HTT: variants seen among roughly 807,000 people sequenced by gnomAD.
The protein encoded by HTT is huntington disease protein.
In HTT, 104 loss-of-function variants were observed where a neutral mutation model predicts 362.3. The observed-to-expected ratio is 0.29, with a 90% CI of 0.24 to 0.34. The LOEUF is 0.34. Among genes scored for constraint, HTT ranks in the 10% least tolerant of loss-of-function variants. The probability of loss-of-function intolerance (pLI) is 1.00; values close to 1 mark genes in which losing one functional copy is unlikely to be tolerated. For missense variants in HTT, 3,301 were observed against 3,928.6 expected (o/e 0.84, Z 4.27); for synonymous variants, 1,577 against 1,548.7 (o/e 1.02, Z -0.43).
Position 3,146,933 on chromosome 4 carries a change from G to A in HTT, c.3280G>A (p.Gly1094Arg), listed in dbSNP as rs756811966. The A allele has an allele frequency of 2.5e-6, 4 of 1,614,138 alleles. No homozygotes were observed. The Admixed American group carries it at 5.0e-5, about 20-fold the overall frequency. Residue 1094 changes from glycine (G) to arginine (R), a missense_variant, in exon 25 of 67, where the codon GGA (glycine) becomes AGA (arginine). Around this residue, in one of 4 missense-constraint regions of HTT, gnomAD observed 2,316 missense variants for 2,658.5 expected, o/e 0.87. Transcript: ENST00000355072. ...SAHQDALILAGNLLAASAPKS... is the reference protein window; with the variant it reads ...SAHQDALILARNLLAASAPKS... ...CCATCAAGATGCTTTGATTTTGGCCGGAAACTTGCTTGCAGGTACTGGTAC... is the reference window on the plus strand; with the variant it reads ...CCATCAAGATGCTTTGATTTTGGCCAGAAACTTGCTTGCAGGTACTGGTAC...
chr4:3,184,070 C>G (rs569968286), intron 37 of HTT, among the ~76,000 whole-genome samples: 57 of 151,476 alleles, frequency 3.8e-4, no homozygotes, highest in African/African-American at 1.3e-3. Context: ...TCAGGAACAC[C>G]GTACAGAAGA....
At chr4:3,182,536 G>A in intron 37 of HTT, 66 bp downstream of exon 37, 1 of 1,007,808 alleles carries the variant, frequency 9.9e-7, no homozygotes, top group Non-Finnish European at 1.6e-6. Context: ...TGTGAAAGGT[G>A]GGTGGCTGGA....
intron 26 of HTT, 70 bp from the exon 27 acceptor site, chr4:3,154,223 T>A: frequency 7.9e-7 from 1 of 1,272,712 alleles, no homozygotes; most frequent in African/African-American, 1.5e-5. Flanking sequence ...ATATTCTAAT[T>A]TTCAGTTTTG....
At chr4:3,094,234 G>A (rs1295821755) in intron 2 of HTT, among the ~76,000 whole-genome samples, 1 of 152,006 alleles carries the variant, frequency 6.6e-6, no homozygotes, top group Non-Finnish European at 1.5e-5. Context: ...GGGGTTGGGG[G>A]TAAGGTTATA....
intron 36 of HTT, 124 bp downstream of exon 36, chr4:3,180,775 G>T (rs980585618): frequency 3.3e-6 from 2 of 615,260 alleles, no homozygotes; most frequent in Non-Finnish European, 4.8e-6. Flanking sequence ...GGCTTTCTGG[G>T]GCCTGGGTAG....
rs549028339 is a variant in HTT, at chr4:3,140,556, C to A, written c.2845C>A (p.Pro949Thr). The change falls in exon 22 of 67, where the codon CCA becomes ACA. Residue 949 changes from proline to threonine, a missense_variant. Around this residue, in one of 4 missense-constraint regions of HTT, gnomAD observed 2,316 missense variants for 2,658.5 expected, o/e 0.87. Transcript: ENST00000355072. The part of the protein sequence containing the change: ...FYKCDQGQAD[P>T]VVAVARDQSS... ...TAAATGTGACCAAGGACAAGCTGATCCAGTAGTGGCCGTGGCAAGAGATCA... is the reference window on the plus strand; with the variant it reads ...TAAATGTGACCAAGGACAAGCTGATACAGTAGTGGCCGTGGCAAGAGATCA... The A allele has an allele frequency of 1.2e-6, 2 of 1,613,998 alleles. No homozygotes were observed. The highest frequency in any genetic ancestry group is 1.3e-5 in the African/African-American group (1 of 75,032).
At chr4:3,145,034 A>G in intron 23 of HTT, 118 bp from the exon 24 acceptor site, 1 of 798,758 alleles carries the variant, frequency 1.3e-6, no homozygotes, top group Non-Finnish European at 2.2e-6. Flanking sequence ...TGTGGTTATC[A>G]TACACAGATC....
At chr4:3,192,864 C>T (rs1719070264) in intron 40 of HTT, among the ~76,000 whole-genome samples, 1 of 152,212 alleles carries the variant, frequency 6.6e-6, no homozygotes, top group Non-Finnish European at 1.5e-5. Flanking sequence ...TTGGCGTGGC[C>T]CGCCTCCATG....
At chr4:3,110,765 T>C (rs2110166981) in intron 6 of HTT, among the ~76,000 whole-genome samples, 1 of 152,318 alleles carries the variant, frequency 6.6e-6, no homozygotes, top group East Asian at 1.9e-4. Context: ...CTTTCCATTT[T>C]TGGGGAGGTG....
intron 40 of HTT, among the ~76,000 whole-genome samples, chr4:3,196,212 G>A (rs1285872086): frequency 1.3e-5 from 2 of 152,160 alleles, no homozygotes; most frequent in Non-Finnish European, 2.9e-5. Context: ...GCTCTCCGCA[G>A]AGAGAGTGAT....
Position 3,105,425 on chromosome 4 carries a change from T to A in HTT, c.597T>A (p.Pro199=). The change falls in exon 5 of 67, where the codon CCT becomes CCA. Residue 199 remains proline (P), a synonymous_variant. Coordinates refer to ENST00000355072, the MANE Select transcript of HTT (RefSeq NM_001388492.1). ...RFAELAHLVR[P]QKCRPYLVNL... is the part of the protein sequence containing the mutation. ...CTGAGCTGGCTCACCTGGTTCGGCC[T>A]CAGAAATGCAGGTAAGTTGTACACT... is the stretch of plus-strand genomic sequence containing the variant. 6.2e-7 allele frequency: 1 copy of A among 1,612,630 alleles called. No homozygotes were observed. Among genetic ancestry groups the A allele is most frequent in the Non-Finnish European group, 8.5e-7 (1 of 1,178,594 alleles).
chr4:3,229,421 G>A (rs111065364), intron 59 of HTT, among the ~76,000 whole-genome samples: 1 of 117,550 alleles, frequency 8.5e-6, no homozygotes, highest in South Asian at 2.7e-4. Context: ...GCCACACACA[G>A]CACACAACCA....
Position 3,206,310 on chromosome 4 carries a change from G to A in HTT, c.5719-186G>A, listed in dbSNP as rs1463319552. Among the ~76,000 whole-genome samples, 2 of 152,258 alleles carry A rather than the reference G, an allele frequency of 1.3e-5. No homozygotes were observed. Among genetic ancestry groups the A allele is most frequent in the Non-Finnish European group, 2.9e-5 (2 of 68,038 alleles). ...TCTGCCGCAGTGCGTGGTTGGAGGT[G>A]ACGGCCTTGGTAAATCGAGTTTCCT... On this transcript the variant is annotated intron_variant, in intron 42 of 66. Transcript: ENST00000355072. The surrounding 1 kb of genome is among the most constrained non-coding windows in gnomAD (Gnocchi z 4.6).
At chr4:3,129,236 G>A (rs1296134342) in intron 12 of HTT, 1 of 152,398 alleles carries the variant, frequency 6.6e-6, no homozygotes, top group Non-Finnish European at 1.5e-5. Flanking sequence ...GATAGCTCCT[G>A]GAGACTCTGC....
intron 61 of HTT, among the ~76,000 whole-genome samples, chr4:3,233,723 T>TCCCTGCCCTGGCCCAGC (rs1721374524): frequency 6.6e-6 from 1 of 152,038 alleles, no homozygotes; most frequent in African/African-American, 2.4e-5. Context: ...CCTGGCCCAG[T>TCCCTGCCCTGGCCCAGC]ACCTCCCTCT....
rs1719432785 is a variant in HTT at position 3,199,602 on chromosome 4, C to T, written c.5369-130C>T. 3 of 702,518 alleles carry T rather than the reference C, an allele frequency of 4.3e-6. 1 individual carries two copies. The South Asian group carries it at 5.6e-5, about 13-fold the overall frequency. 43.5% of individuals were successfully genotyped at this position (702,518 alleles called of 1,614,324 possible). ...TAGAAAAATCAGAATTTTCTAAATG[C>T]CAGGTGTTCTGAATACGTAAGTATG... On this transcript the variant is annotated intron_variant, in intron 40 of 66. Coordinates refer to ENST00000355072, the MANE Select transcript of HTT (RefSeq NM_001388492.1).
chr4:3,226,445 TG>T (rs1042832350), intron 57 of HTT, among the ~76,000 whole-genome samples: 7 of 152,234 alleles, frequency 4.6e-5, no homozygotes, highest in African/African-American at 1.7e-4. Flanking sequence ...CACTCCAGCC[TG>T]GGCAACAGAC....
At chr4:3,187,987 C>A in intron 39 of HTT, 101 bp downstream of exon 39, 1 of 689,094 alleles carries the variant, frequency 1.5e-6, no homozygotes, top group South Asian at 1.8e-5. Flanking sequence ...TCTTGCTTCA[C>A]TTCTGAGTTG....
intron 8 of HTT, among the ~76,000 whole-genome samples, chr4:3,118,766 C>T (rs1715155440): frequency 6.6e-6 from 1 of 152,186 alleles, no homozygotes; most frequent in Non-Finnish European, 1.5e-5. Context: ...TGCTGATTTT[C>T]TTAAGACCTT....
Sources: gnomAD v4.1 joint callset for allele counts (sites outside exome capture counted in the v4.1 genomes callset) on GRCh38, gnomAD v4.1.1 for gene constraint, gnomAD v4.1.1 regional missense constraint, Gnocchi (gnomAD v3.1) non-coding constraint, MANE v1.5 for transcripts, NCBI Gene and HGNC (gene_info 2026-07-23, HGNC 2026-07-21) for gene names.